Variants in CD109 observed in about 807,000 individuals in gnomAD.
CD109 encodes CD109 antigen.
A neutral mutation model predicts 165.8 loss-of-function variants in CD109; 149 were observed. That is an observed-to-expected ratio of 0.90 (90% CI 0.79 to 1.03). CD109 has a LOEUF of 1.03. Ranked by LOEUF, CD109 falls within the 50% of genes least tolerant of loss-of-function variation. The pLI is 0.00. For missense variants in CD109, 1,712 were observed against 1,677.8 expected (o/e 1.02, Z -0.36); for synonymous variants, 585 against 592.1 (o/e 0.99, Z 0.18).
Position 73,762,822 on chromosome 6 carries a change from C to T in CD109, c.937C>T (p.Leu313=). The change falls in exon 9 of 33, where the codon CTG becomes TTG. Residue 313 remains leucine, a synonymous_variant. Coordinates refer to ENST00000287097, the MANE Select transcript of CD109 (RefSeq NM_133493.5). ...MDSSNGLSEY[L]DLSSPGPVEI... is the part of the protein sequence containing the mutation. ...TTCTTCAAATGGACTTTCTGAATAC[C>T]TGGATCTATCTTCCCCTGGACCAGT... The T allele has an allele frequency of 6.2e-7, 1 of 1,612,344 alleles. No homozygotes were observed. Among genetic ancestry groups the T allele is most frequent in the Non-Finnish European group, 8.5e-7 (1 of 1,178,892 alleles).
At chr6:73,702,056 C>T (rs1771104242) in intron 2 of CD109, among the ~76,000 whole-genome samples, 1 of 152,166 alleles carries the variant, frequency 6.6e-6, no homozygotes, top group Admixed American at 6.5e-5. Context: ...TTAAATGCTG[C>T]CAATCCTACT....
rs1293009090 is a variant in CD109 at position 73,826,144 on chromosome 6, C to G, written c.*2511C>G. The stretch of plus-strand genomic sequence containing the variant: ...CCGGCCACTTCTTCCTTCATACTTC[C>G]CTTAGAGAACTTGCTCTGCTACAAG... On this transcript the variant is annotated 3_prime_UTR_variant, in exon 33 of 33. Transcript: ENST00000287097. 1 of 152,150 alleles carries G rather than the reference C, an allele frequency of 6.6e-6. No homozygotes were observed. Among genetic ancestry groups the G allele is most frequent in the African/African-American group, 2.4e-5 (1 of 41,412 alleles). The allele number at this position is 152,150 out of a possible 1,614,324, so 9.4% of individuals were successfully genotyped here.
At chr6:73,682,196 T>G in the CD109 span, among the ~76,000 whole-genome samples, 1 of 152,174 alleles carries the variant, frequency 6.6e-6, no homozygotes, top group Non-Finnish European at 1.5e-5. Flanking sequence ...TCATATGAGA[T>G]GAAGCAAGTC....
At chr6:73,819,386 T>C (rs1350737968) in intron 31 of CD109, among the ~76,000 whole-genome samples, 1 of 152,074 alleles carries the variant, frequency 6.6e-6, no homozygotes, top group Non-Finnish European at 1.5e-5. Context: ...TTCCAGACTC[T>C]ACTTGGTATG....
intron 1 of CD109, 134 bp from the exon 2 acceptor site, chr6:73,697,266 T>C: frequency 1.5e-6 from 1 of 672,128 alleles, no homozygotes; most frequent in Non-Finnish European, 2.6e-6. Flanking sequence ...AATAGAGCAG[T>C]GGGCAATGTT....
At chr6:73,808,326 T>C in intron 26 of CD109, 78 bp downstream of exon 26, 1 of 1,380,914 alleles carries the variant, frequency 7.2e-7, no homozygotes, top group East Asian at 2.3e-5. Context: ...TTAGCCAGGT[T>C]TGAAATTGAT....
rs1019555469 is a variant in CD109 at position 73,762,472 on chromosome 6, A to G, written c.847A>G (p.Thr283Ala). 4 of 1,590,764 alleles carry G rather than the reference A, an allele frequency of 2.5e-6. No homozygotes were observed. The highest frequency in any genetic ancestry group is 2.7e-5 in the African/African-American group (2 of 74,414). Residue 283 changes from threonine to alanine, a missense_variant, in exon 8 of 33, where the codon ACA (threonine) becomes GCA (alanine). Thr to Ala is a moderately conservative substitution (Grantham distance 58). Coordinates refer to ENST00000287097, the MANE Select transcript of CD109 (RefSeq NM_133493.5). Reference protein sequence around the residue: ...FWGKKKNITKTFKINGSANFS... With the variant: ...FWGKKKNITKAFKINGSANFS... ...GGGAAAGAAGAAAAATATTACAAAA[A>G]CATTTAAGGTAACTTTTGCAGACAC...
rs111868916 is a variant in CD109 at position 73,806,765 on chromosome 6, T to G, written c.2961-79T>G. On this transcript the variant is annotated intron_variant, in intron 24 of 32. Coordinates refer to ENST00000287097, the MANE Select transcript of CD109 (RefSeq NM_133493.5). ...GAATCTTCTGATGGGGGAAAAAGTG[T>G]TGTTGTTTTGCTTGCTCGGTGTTAT... The G allele has an allele frequency of 1.9e-3, 1,766 of 917,220 alleles. 15 individuals carry two copies. In the African/African-American group the frequency reaches 0.022, roughly 11 times the overall value. 56.8% of individuals were successfully genotyped at this position (917,220 alleles called of 1,614,324 possible). A position where few individuals can be genotyped will look rare whatever the true frequency, so the allele number is the denominator to read the frequency against.
At chr6:73,780,173 C>G (rs1774425331) in intron 15 of CD109, among the ~76,000 whole-genome samples, 1 of 152,172 alleles carries the variant, frequency 6.6e-6, no homozygotes, top group African/African-American at 2.4e-5. Flanking sequence ...TCTAAGTTCT[C>G]CCTGGCAGAA....
chr6:73,800,302 T>A (rs994049734), intron 23 of CD109, among the ~76,000 whole-genome samples: 1 of 152,224 alleles, frequency 6.6e-6, no homozygotes, highest in Non-Finnish European at 1.5e-5. Flanking sequence ...CACAGCTGCA[T>A]AGTACTCTGT....
chr6:73,800,807 A>G (rs1775334998), intron 23 of CD109, among the ~76,000 whole-genome samples: 1 of 152,144 alleles, frequency 6.6e-6, no homozygotes, highest in South Asian at 2.1e-4. Flanking sequence ...AGTTCTTTAT[A>G]TATGTATATA....
At chr6:73,795,537 G>A (rs1483157112) in intron 23 of CD109, among the ~76,000 whole-genome samples, 1 of 152,162 alleles carries the variant, frequency 6.6e-6, no homozygotes, top group African/African-American at 2.4e-5. Context: ...AACCCAGAAA[G>A]GGTCTCTACT....
chr6:73,803,440 G>T, intron 24 of CD109, 139 bp downstream of exon 24: 1 of 591,268 alleles, frequency 1.7e-6, no homozygotes, highest in Non-Finnish European at 3.0e-6. Flanking sequence ...GCTTTAAAAA[G>T]AGATTTTCTT....
At chr6:73,768,555 C>T (rs1400668172) in intron 14 of CD109, among the ~76,000 whole-genome samples, 1 of 152,020 alleles carries the variant, frequency 6.6e-6, no homozygotes, top group East Asian at 1.9e-4. Flanking sequence ...ACATAGAATT[C>T]GTGTGGTGTT....
intron 13 of CD109, 44 bp from the exon 14 acceptor site, chr6:73,768,011 A>G: frequency 6.8e-7 from 1 of 1,476,900 alleles, no homozygotes; most frequent in Non-Finnish European, 9.4e-7. Context: ...ATGAGATCCT[A>G]CTAGGTTTGG....
intron 23 of CD109, among the ~76,000 whole-genome samples, chr6:73,802,305 A>ATTTTTT (rs71542232): frequency 1.1e-4 from 5 of 47,604 alleles, no homozygotes; most frequent in African/African-American, 3.4e-4. Context: ...ATATATATAT[A>ATTTTTT]TTTTTTTTTT....
rs1434829755 is a variant in CD109 at position 73,766,589 on chromosome 6, A to G, written c.1333-170A>G. 3.3e-5 allele frequency among the ~76,000 whole-genome samples: 5 copies of G among 151,328 alleles called. No homozygotes were observed. In the South Asian group the frequency reaches 8.3e-4, roughly 25 times the overall value. ...GTGTTTTAAAGCTATCAGTTTCTTT[A>G]CAGTATAAGCTATAAAATGATGAAA... On this transcript the variant is annotated intron_variant, in intron 11 of 32. Coordinates refer to ENST00000287097, the MANE Select transcript of CD109 (RefSeq NM_133493.5).
chr6:73,812,880 T>A (rs1163940209), intron 29 of CD109, among the ~76,000 whole-genome samples: 3 of 152,072 alleles, frequency 2.0e-5, no homozygotes, highest in Non-Finnish European at 4.4e-5. Flanking sequence ...AAAGATAATT[T>A]GTGATAGGAC....
At chr6:73,766,229 C>A in intron 11 of CD109, 75 bp downstream of exon 11, 1 of 1,125,358 alleles carries the variant, frequency 8.9e-7, no homozygotes. Context: ...GGCACTCAAC[C>A]TGTCAGAACT....
Sources: allele counts gnomAD v4.1 joint callset (sites outside exome capture counted in the v4.1 genomes callset), GRCh38; gene constraint gnomAD v4.1.1; transcripts MANE v1.5; gene names NCBI Gene and HGNC (gene_info 2026-07-23, HGNC 2026-07-21).